Variants in SORL1 observed in about 807,000 individuals in gnomAD.
SORL1 encodes the protein sortilin related receptor 1.
SORL1 carries 127 observed loss-of-function variants against 273.7 expected under a neutral mutation model. The observed-to-expected ratio is 0.46, with a 90% CI of 0.40 to 0.54. The LOEUF (loss-of-function observed/expected upper bound fraction) is 0.54, where lower values mean the gene tolerates loss of function less well. Ranked by LOEUF, SORL1 falls within the 20% of genes least tolerant of loss-of-function variation. SORL1 has a pLI of 0.00. For synonymous variants in SORL1, 1,031 were observed against 1,067.4 expected (o/e 0.97, Z 0.66); for missense variants, 2,494 against 2,846.1 (o/e 0.88, Z 2.81).
Position 121,496,883 on chromosome 11 carries a change from A to G in SORL1, c.773A>G (p.Tyr258Cys), listed in dbSNP as rs201465902. The G allele has an allele frequency of 3.7e-6, 6 of 1,608,434 alleles. No homozygotes were observed. The highest frequency in any genetic ancestry group is 2.2e-5 in the East Asian group (1 of 44,794). ...VKSFSWGIDP[Y>C]DKPNTIYIER... is the part of the protein sequence containing the mutation. ...TTTTCTGCCAGGGGAATTGATCCCT[A>G]TGACAAACCAAATACCATCTACATT... Residue 258 changes from tyrosine to cysteine, a missense_variant, in exon 6 of 48, where the codon TAT becomes TGT. Tyr to Cys is a radical substitution (Grantham distance 194). Transcript: ENST00000260197.
rs968862917 is a variant in SORL1, at chr11:121,565,835, A to T, written c.3050-1105A>T. Reference sequence around the variant, plus strand: ...TCATCCACAAAGGCTCCTTCTCAAGAGTGCAGTGGTGGATTTTACGAACTC... The same window carrying T: ...TCATCCACAAAGGCTCCTTCTCAAGTGTGCAGTGGTGGATTTTACGAACTC... On this transcript the variant is annotated intron_variant, in intron 21 of 47. Transcript: ENST00000260197. Among the ~76,000 whole-genome samples, 5 of 152,222 alleles carry T rather than the reference A, an allele frequency of 3.3e-5. No homozygotes were observed. In the East Asian group the frequency reaches 9.6e-4, roughly 29 times the overall value.
chr11:121,629,773 A>G lies in SORL1; in HGVS notation c.*210A>G, dbSNP rs1220588107. On this transcript the variant is annotated 3_prime_UTR_variant, in exon 48 of 48. Coordinates refer to ENST00000260197, the MANE Select transcript of SORL1 (RefSeq NM_003105.6). Reference sequence around the variant, plus strand: ...ACTTCAAACCAGGTTGATTTTAGTAACCCAATTGCTTTGATTTGACATTAA... The same window carrying G: ...ACTTCAAACCAGGTTGATTTTAGTAGCCCAATTGCTTTGATTTGACATTAA... The G allele has an allele frequency of 4.3e-5, 24 of 555,522 alleles. No homozygotes were observed. The South Asian group carries it at 4.5e-4, about 10-fold the overall frequency. The allele number at this position is 555,522 out of a possible 1,614,324, so 34.4% of individuals were successfully genotyped here.
At chr11:121,525,426 T>C (rs1862106809) in intron 11 of SORL1, among the ~76,000 whole-genome samples, 2 of 152,222 alleles carry the variant, frequency 1.3e-5, no homozygotes, top group African/African-American at 4.8e-5. Context: ...TTCATGTACA[T>C]ATTTTATTCA....
At chr11:121,585,285 A>G (rs1459080471) in intron 26 of SORL1, among the ~76,000 whole-genome samples, 1 of 152,046 alleles carries the variant, frequency 6.6e-6, no homozygotes, top group East Asian at 1.9e-4. Context: ...GGAATTTGAG[A>G]TCAGCCTGGG....
At chr11:121,555,673 T>G (rs1174712088) in intron 18 of SORL1, among the ~76,000 whole-genome samples, 4 of 152,068 alleles carry the variant, frequency 2.6e-5, no homozygotes, top group Non-Finnish European at 5.9e-5. Flanking sequence ...CCTAATATCA[T>G]GGTATTATTA....
At chr11:121,552,223 T>C (rs576156809) in intron 16 of SORL1, among the ~76,000 whole-genome samples, 1 of 152,340 alleles carries the variant, frequency 6.6e-6, no homozygotes, top group African/African-American at 2.4e-5. Context: ...GTAATATCTT[T>C]GCAAAGATGA....
At chr11:121,502,660 G>A (rs141810482) in intron 6 of SORL1, among the ~76,000 whole-genome samples, 46 of 152,218 alleles carry the variant, frequency 3.0e-4, no homozygotes, top group Non-Finnish European at 2.1e-4. Context: ...ATCTTTTCAC[G>A]TGGCTGTTGG....
At chr11:121,482,854 C>T (rs1477412402) in intron 3 of SORL1, among the ~76,000 whole-genome samples, 3 of 152,222 alleles carry the variant, frequency 2.0e-5, no homozygotes, top group South Asian at 2.1e-4. Flanking sequence ...AAGGTGCTAG[C>T]GCGGCATCCA....
At chr11:121,525,509 A>G (rs146933510) in intron 11 of SORL1, among the ~76,000 whole-genome samples, 175 of 152,350 alleles carry the variant, frequency 1.1e-3, no homozygotes, top group African/African-American at 3.9e-3. Context: ...TTTTTAAAGA[A>G]CTGCCAAATT....
Position 121,632,773 on chromosome 11 carries a change from A to G in SORL1, c.*3210A>G, listed in dbSNP as rs1011800916. The G allele has an allele frequency of 2.0e-5, 3 of 152,068 alleles. No homozygotes were observed. Among genetic ancestry groups the G allele is most frequent in the Non-Finnish European group, 1.5e-5 (1 of 68,024 alleles). 9.4% of individuals were successfully genotyped at this position (152,068 alleles called of 1,614,324 possible). On this transcript the variant is annotated 3_prime_UTR_variant, in exon 48 of 48. Coordinates refer to ENST00000260197, the MANE Select transcript of SORL1 (RefSeq NM_003105.6). Reference sequence around the variant, plus strand: ...AGTGGTCACTGCATCTAGTAAGATTATATTTCCAGTACACTTCCTTAGGGC... The same window carrying G: ...AGTGGTCACTGCATCTAGTAAGATTGTATTTCCAGTACACTTCCTTAGGGC...
At chr11:121,514,397 T>C in intron 8 of SORL1, 76 bp downstream of exon 8, 7 of 1,417,066 alleles carry the variant, frequency 4.9e-6, no homozygotes, top group Non-Finnish European at 6.7e-6. Flanking sequence ...TCTGTGGTTT[T>C]CAACATTAGC....
In SORL1 at chr11:121,595,057, ACTCT is replaced by A. The variant is rs542044726; in HGVS notation, c.4370-563_4370-560del. Among the ~76,000 whole-genome samples, 12 of 151,938 alleles carry A rather than the reference ACTCT, an allele frequency of 7.9e-5. No homozygotes were observed. The South Asian group carries it at 1.3e-3, about 16-fold the overall frequency. On this transcript the variant is annotated intron_variant, in intron 31 of 47. Coordinates refer to ENST00000260197, the MANE Select transcript of SORL1 (RefSeq NM_003105.6). This position sits in a 1 kb window ranked among gnomAD's most constrained non-coding sequence, Gnocchi z 5.1. ...GCTGTCAACTACGCCTATCTAAACA[ACTCT>A]CTGTTTTTACTTTCTCCAAATAACA...
intron 47 of SORL1, 84 bp from the exon 48 acceptor site, chr11:121,629,412 G>A (rs1276558573): frequency 6.4e-6 from 5 of 783,640 alleles, no homozygotes; most frequent in South Asian, 1.4e-5. Flanking sequence ...TTGTGGTAGG[G>A]TTGAGGGGTG....
At chr11:121,515,629 T>TTTTTTTC (rs1442958521) in intron 8 of SORL1, among the ~76,000 whole-genome samples, 1 of 152,106 alleles carries the variant, frequency 6.6e-6, no homozygotes, top group African/African-American at 2.4e-5. Flanking sequence ...AAGAACTTTG[T>TTTTTTTC]TTTTTTCTTT....
At chr11:121,537,654 A>G (rs1862285581) in intron 12 of SORL1, among the ~76,000 whole-genome samples, 1 of 152,154 alleles carries the variant, frequency 6.6e-6, no homozygotes, top group Admixed American at 6.5e-5. Flanking sequence ...TGTGATAGAC[A>G]ATCTTTTGTT....
chr11:121,502,389 G>C (rs561088184), intron 6 of SORL1, among the ~76,000 whole-genome samples: 1 of 152,140 alleles, frequency 6.6e-6, no homozygotes, highest in South Asian at 2.1e-4. Flanking sequence ...ACCCACCTCG[G>C]ACTCCCAAAG....
intron 4 of SORL1, among the ~76,000 whole-genome samples, chr11:121,489,482 C>T (rs1356652416): frequency 6.6e-6 from 1 of 152,198 alleles, no homozygotes; most frequent in Non-Finnish European, 1.5e-5. Context: ...TACTATTTGT[C>T]ACTTTGTGAT....
chr11:121,557,772 C>A (rs1369971224), intron 19 of SORL1, among the ~76,000 whole-genome samples: 1 of 152,202 alleles, frequency 6.6e-6, no homozygotes, highest in East Asian at 1.9e-4. Context: ...CTTTCCCCTG[C>A]CTTCCCAGCA....
At chr11:121,486,727 C>T (rs1444226262) in intron 3 of SORL1, among the ~76,000 whole-genome samples, 1 of 152,092 alleles carries the variant, frequency 6.6e-6, no homozygotes, top group African/African-American at 2.4e-5. Flanking sequence ...GATCCCCCCG[C>T]CTCAGCCTCC....
Sources: allele counts gnomAD v4.1 joint callset (sites outside exome capture counted in the v4.1 genomes callset), GRCh38; gene constraint gnomAD v4.1.1; non-coding constraint Gnocchi (gnomAD v3.1); transcripts MANE v1.5; gene names NCBI Gene and HGNC (gene_info 2026-07-23, HGNC 2026-07-21).